Variants in LNP1 observed in about 807,000 individuals in gnomAD.
LNP1 encodes the protein leukemia NUP98 fusion partner 1.
Under a neutral mutation model 14.5 loss-of-function variants are expected in LNP1, and 12 were observed. That is an observed-to-expected ratio of 0.83 (90% confidence interval 0.53 to 1.34). LNP1 has a LOEUF of 1.34. LNP1 is among the 40% of genes most tolerant of loss of function. The pLI is 0.00. For synonymous variants in LNP1, 75 were observed against 71.4 expected, an observed-to-expected ratio of 1.05 and a Z score of -0.26; for missense variants, 198 against 210.9, an observed-to-expected ratio of 0.94 and a Z score of 0.38.
intron 2 of LNP1, among the ~76,000 whole-genome samples, chr3:100,444,706 A>G (rs1707372686): frequency 6.6e-6 from 1 of 152,238 alleles, no homozygotes; most frequent in South Asian, 2.1e-4. Context: ...TAAAACGGTG[A>G]AATCTTCATT....
At chr3:100,409,245 C>T (rs545510062) in intron 1 of LNP1, among the ~76,000 whole-genome samples, 1 of 152,252 alleles carries the variant, frequency 6.6e-6, no homozygotes, top group African/African-American at 2.4e-5. Context: ...GAAATATCAG[C>T]TCTTCTTAGG....
At chr3:100,424,107 TA>T (rs539793735) in intron 1 of LNP1, among the ~76,000 whole-genome samples, 123 of 152,300 alleles carry the variant, frequency 8.1e-4, no homozygotes, top group African/African-American at 2.8e-3. Context: ...TAGGCTTAAC[TA>T]GGAGAAAAAA....
intron 2 of LNP1, among the ~76,000 whole-genome samples, chr3:100,435,537 T>C (rs1478916812): frequency 2.0e-5 from 3 of 152,194 alleles, no homozygotes; most frequent in African/African-American, 7.2e-5. Flanking sequence ...ATGCATGCAG[T>C]GTATACATTT....
At chr3:100,439,715 A>G (rs1184424096) in intron 2 of LNP1, among the ~76,000 whole-genome samples, 1 of 152,020 alleles carries the variant, frequency 6.6e-6, no homozygotes, top group Non-Finnish European at 1.5e-5. Context: ...CACATGCCCT[A>G]GTTGTTTAAC....
At chr3:100,415,051 A>C (rs1314010896) in intron 1 of LNP1, among the ~76,000 whole-genome samples, 1 of 152,246 alleles carries the variant, frequency 6.6e-6, no homozygotes, top group African/African-American at 2.4e-5. Flanking sequence ...AAACCCAGAA[A>C]ACTAAAACTT....
In LNP1 at chr3:100,436,396, G is replaced by A. The variant is rs147848531; in HGVS notation, c.156+6511G>A. Among the ~76,000 whole-genome samples the A allele has an allele frequency of 1.4e-4, 22 of 152,222 alleles. No homozygotes were observed. In the East Asian group the frequency reaches 4.2e-3, roughly 29 times the overall value. On this transcript the variant is annotated intron_variant, in intron 2 of 3. Coordinates refer to ENST00000383693, the MANE Select transcript of LNP1 (RefSeq NM_001085451.2). ...TTAAGGTTTTTATGGAATCCCCTTG[G>A]TGAAGAGGGGGTCTGTTCAGTTGAT...
intron 1 of LNP1, among the ~76,000 whole-genome samples, chr3:100,422,616 G>T (rs1299028969): frequency 6.6e-6 from 1 of 152,066 alleles, no homozygotes; most frequent in African/African-American, 2.4e-5. Flanking sequence ...GTGTTTGAAG[G>T]TCTCTTGTGT....
At chr3:100,455,648 T>C in intron 3 of LNP1, 129 bp from the exon 4 acceptor site, 1 of 867,622 alleles carries the variant, frequency 1.2e-6, no homozygotes, top group Non-Finnish European at 1.9e-6. Context: ...TGCTAATTTA[T>C]TTCTAGAAAC....
chr3:100,439,256 A>G (rs1388434719), intron 2 of LNP1, among the ~76,000 whole-genome samples: 1 of 151,908 alleles, frequency 6.6e-6, no homozygotes, highest in Non-Finnish European at 1.5e-5. Context: ...CATGTTCCCC[A>G]GATATAACTA....
At chr3:100,448,865 G>A (rs919649005) in intron 2 of LNP1, among the ~76,000 whole-genome samples, 4 of 151,698 alleles carry the variant, frequency 2.6e-5, no homozygotes, top group Admixed American at 1.3e-4. Flanking sequence ...TCATAAAACC[G>A]TTTTTTTTCC....
At chr3:100,438,386 C>T (rs780309837) in intron 2 of LNP1, among the ~76,000 whole-genome samples, 4 of 152,110 alleles carry the variant, frequency 2.6e-5, no homozygotes, top group Non-Finnish European at 5.9e-5. Flanking sequence ...CCCATACTCC[C>T]AGATATGCAT....
chr3:100,439,707 C>T (rs2148905790), intron 2 of LNP1, among the ~76,000 whole-genome samples: 1 of 152,234 alleles, frequency 6.6e-6, no homozygotes, highest in Middle Eastern at 3.4e-3. Context: ...GACGTAGGCA[C>T]ATGCCCTAGT....
At chr3:100,430,982 C>G (rs1385243884) in intron 2 of LNP1, among the ~76,000 whole-genome samples, 1 of 152,174 alleles carries the variant, frequency 6.6e-6, no homozygotes, top group East Asian at 1.9e-4. Flanking sequence ...TCTCTAAGAA[C>G]CCTTCTACCT....
intron 1 of LNP1, among the ~76,000 whole-genome samples, chr3:100,404,601 T>C (rs994361221): frequency 3.3e-5 from 5 of 152,196 alleles, no homozygotes; most frequent in Non-Finnish European, 5.9e-5. Context: ...GTAACCAAAG[T>C]AAATCTCATT....
At chr3:100,428,283 C>T (rs1707213061) in intron 1 of LNP1, among the ~76,000 whole-genome samples, 1 of 152,094 alleles carries the variant, frequency 6.6e-6, no homozygotes, top group Admixed American at 6.6e-5. Context: ...CGTGTAATCC[C>T]AGCACTTTGG....
chr3:100,420,929 C>A (rs1390060045), intron 1 of LNP1, among the ~76,000 whole-genome samples: 1 of 151,688 alleles, frequency 6.6e-6, no homozygotes. Flanking sequence ...TTACAGTTTA[C>A]AATTTATATT....
At chr3:100,440,220 A>G (rs1364253043) in intron 2 of LNP1, among the ~76,000 whole-genome samples, 1 of 152,170 alleles carries the variant, frequency 6.6e-6, no homozygotes, top group African/African-American at 2.4e-5. Flanking sequence ...ATTTAACGTA[A>G]TCACCTCTTT....
At chr3:100,451,634 A>T in intron 2 of LNP1, 85 bp from the exon 3 acceptor site, 1 of 672,602 alleles carries the variant, frequency 1.5e-6, no homozygotes, top group Non-Finnish European at 2.6e-6. Context: ...AGATTCATTT[A>T]GTTACTAGTT....
chr3:100,414,270 G>A (rs768320930), intron 1 of LNP1, among the ~76,000 whole-genome samples: 1 of 152,156 alleles, frequency 6.6e-6, no homozygotes, highest in Non-Finnish European at 1.5e-5. Flanking sequence ...AAAGTGGTCA[G>A]GTGCGGTGGC....
Sources: gnomAD v4.1 joint callset for allele counts (sites outside exome capture counted in the v4.1 genomes callset) on GRCh38, gnomAD v4.1.1 for gene constraint, MANE v1.5 for transcripts, NCBI Gene and HGNC (gene_info 2026-07-23, HGNC 2026-07-21) for gene names.